ATG5: variants seen among roughly 807,000 people sequenced by gnomAD.
The protein encoded by ATG5 is autophagy protein 5.
ATG5 carries 14 observed loss-of-function variants against 36.5 expected under a neutral mutation model. The observed-to-expected ratio is 0.38, with a 90% confidence interval of 0.25 to 0.60. The LOEUF (loss-of-function observed/expected upper bound fraction) is 0.60, where lower values mean the gene tolerates loss of function less well. ATG5 is among the 20% of genes least tolerant of loss of function. The pLI is 0.60. For synonymous variants in ATG5, 95 were observed against 101.5 expected, an observed-to-expected ratio of 0.94 and a Z score of 0.38; for missense variants, 195 against 326.7, an observed-to-expected ratio of 0.60 and a Z score of 3.11.
chr6:106,257,710 T>C (rs1444012087), intron 5 of ATG5, among the ~76,000 whole-genome samples: 1 of 152,220 alleles, frequency 6.6e-6, no homozygotes, highest in Non-Finnish European at 1.5e-5. Flanking sequence ...CACAGGAATT[T>C]AGTAAGCCTA....
intron 2 of ATG5, among the ~76,000 whole-genome samples, chr6:106,314,852 C>G (rs1410756194): frequency 6.6e-6 from 1 of 152,118 alleles, no homozygotes; most frequent in Non-Finnish European, 1.5e-5. Context: ...TTTTTCTAGA[C>G]AGAAAACGGT....
intron 5 of ATG5, among the ~76,000 whole-genome samples, chr6:106,260,300 A>G (rs1450812267): frequency 6.6e-6 from 1 of 152,238 alleles, no homozygotes; most frequent in Non-Finnish European, 1.5e-5. Flanking sequence ...TGACATTCTG[A>G]GTGTGGCTTG....
At chr6:106,198,463 T>C (rs958414140) in intron 7 of ATG5, among the ~76,000 whole-genome samples, 8 of 152,176 alleles carry the variant, frequency 5.3e-5, no homozygotes, top group African/African-American at 1.7e-4. Context: ...CAAAATTAAA[T>C]GCTTTTATCC....
chr6:106,296,498 T>C (rs781324564), intron 3 of ATG5, among the ~76,000 whole-genome samples: 14 of 152,212 alleles, frequency 9.2e-5, no homozygotes, highest in South Asian at 2.1e-4. Context: ...GCCTAAAGTA[T>C]TGAAACATCT....
intron 6 of ATG5, among the ~76,000 whole-genome samples, chr6:106,246,793 G>C (rs1005135375): frequency 1.3e-5 from 2 of 152,140 alleles, no homozygotes; most frequent in African/African-American, 4.8e-5. Context: ...TATTTTGCTG[G>C]GCTGTGGGAA....
chr6:106,220,592 A>G (rs764292305), intron 6 of ATG5, among the ~76,000 whole-genome samples: 2 of 152,144 alleles, frequency 1.3e-5, no homozygotes, highest in Non-Finnish European at 2.9e-5. Context: ...TACCTACTTA[A>G]AATTATTAGC....
In ATG5 at chr6:106,265,104, A is replaced by G. The variant is rs996037297; in HGVS notation, c.478+14557T>C. Among the ~76,000 whole-genome samples, 4 of 151,314 alleles carry G rather than the reference A, an allele frequency of 2.6e-5. No individual in the cohort carries two copies. The East Asian group carries it at 5.8e-4, about 22-fold the overall frequency. On this transcript the variant is annotated intron_variant, in intron 5 of 7. Transcript: ENST00000369076. The stretch of plus-strand genomic sequence containing the variant: ...GCTGTATTCAGGAGACCCATCTCAC[A>G]TGCAAAGACACACATAGGTTCAAAA...
At chr6:106,198,923 C>T (rs540494606) in intron 7 of ATG5, among the ~76,000 whole-genome samples, 3 of 151,946 alleles carry the variant, frequency 2.0e-5, no homozygotes, top group South Asian at 4.2e-4. Context: ...AATAAGGAAA[C>T]AATCCATGAA....
chr6:106,319,051 CT>C (rs1376118712), intron 1 of ATG5, among the ~76,000 whole-genome samples: 5 of 152,156 alleles, frequency 3.3e-5, no homozygotes, highest in African/African-American at 1.2e-4. Flanking sequence ...AGCTCCACCA[CT>C]TACAGTGTAA....
intron 1 of ATG5, among the ~76,000 whole-genome samples, chr6:106,323,156 C>T (rs901247423): frequency 6.6e-6 from 1 of 151,712 alleles, no homozygotes; most frequent in Non-Finnish European, 1.5e-5. Context: ...CCAGGATGGT[C>T]TCGGTCTCCT....
At chr6:106,227,284 T>C (rs1210013262) in intron 6 of ATG5, among the ~76,000 whole-genome samples, 1 of 152,108 alleles carries the variant, frequency 6.6e-6, no homozygotes, top group Non-Finnish European at 1.5e-5. Context: ...GATGACATAA[T>C]CAAAGCACTG....
At chr6:106,250,810 T>A (rs561709935) in intron 5 of ATG5, among the ~76,000 whole-genome samples, 1 of 152,312 alleles carries the variant, frequency 6.6e-6, no homozygotes, top group South Asian at 2.1e-4. Flanking sequence ...AAAAGAAACA[T>A]GATTGTGCCA....
intron 5 of ATG5, among the ~76,000 whole-genome samples, chr6:106,268,216 G>A (rs746742062): frequency 9.2e-5 from 14 of 152,248 alleles, no homozygotes; most frequent in Admixed American, 4.6e-4. Flanking sequence ...AAAAGTGGGC[G>A]AAGGATATGA....
intron 5 of ATG5, among the ~76,000 whole-genome samples, chr6:106,254,554 T>C (rs1479454806): frequency 6.6e-6 from 1 of 152,210 alleles, no homozygotes; most frequent in African/African-American, 2.4e-5. Context: ...TGTGGCATAG[T>C]GGAAAAAGTA....
intron 3 of ATG5, among the ~76,000 whole-genome samples, chr6:106,298,984 T>G (rs1770095918): frequency 6.6e-6 from 1 of 152,216 alleles, no homozygotes; most frequent in Non-Finnish European, 1.5e-5. Context: ...GTGAGAAGCC[T>G]TCTAACCCAC....
intron 7 of ATG5, among the ~76,000 whole-genome samples, chr6:106,187,886 A>T (rs1160076437): frequency 1.3e-5 from 2 of 152,176 alleles, no homozygotes; most frequent in East Asian, 1.9e-4. Flanking sequence ...TGATAAAAGA[A>T]TGTGAAAAAT....
chr6:106,200,477 A>ATT (rs5878872), intron 7 of ATG5, among the ~76,000 whole-genome samples: 69 of 144,478 alleles, frequency 4.8e-4, no homozygotes, highest in East Asian at 2.4e-3. Flanking sequence ...CAACTCTGCA[A>ATT]TTTTTTTTTT....
At position 106,269,756 on chromosome 6, in the gene ATG5, C is replaced by T. The variant is rs553446013; in HGVS notation, c.478+9905G>A. Reference sequence around the variant, plus strand: ...AACTCCAGCTGGCCCGCAAGCGCCGCGCACATCCCCGGTTCCCGCTCGCGC... The same window carrying T: ...AACTCCAGCTGGCCCGCAAGCGCCGTGCACATCCCCGGTTCCCGCTCGCGC... On this transcript the variant is annotated intron_variant, in intron 5 of 7. Transcript: ENST00000369076. Among the ~76,000 whole-genome samples, 983 of 152,356 alleles carry T rather than the reference C, an allele frequency of 6.5e-3. 9 individuals carry two copies. The highest frequency in any genetic ancestry group is 0.02 in the Admixed American group (303 of 15,314).
chr6:106,303,012 TTAAGG>T (rs1203020619), intron 3 of ATG5, among the ~76,000 whole-genome samples: 12 of 151,324 alleles, frequency 7.9e-5, no homozygotes, highest in African/African-American at 2.9e-4. Flanking sequence ...AAAAAAGAAA[TTAAGG>T]TAAGAGCTCA....
Sources: gnomAD v4.1 joint callset for allele counts (sites outside exome capture counted in the v4.1 genomes callset) on GRCh38, gnomAD v4.1.1 for gene constraint, MANE v1.5 for transcripts, NCBI Gene and HGNC (gene_info 2026-07-23, HGNC 2026-07-21) for gene names.